Variants in TBL1X observed in about 807,000 individuals in gnomAD.
TBL1X encodes the protein F-box-like/WD repeat-containing protein TBL1X.
TBL1X carries 10 observed loss-of-function variants against 50.7 expected under a neutral mutation model. That is an observed-to-expected ratio of 0.20 (90% CI 0.12 to 0.33). The LOEUF (loss-of-function observed/expected upper bound fraction) is 0.33. Ranked by LOEUF, TBL1X falls within the 10% of genes least tolerant of loss-of-function variation. The probability of loss-of-function intolerance (pLI) is 1.00; values close to 1 mark genes in which losing one functional copy is unlikely to be tolerated. For synonymous variants in TBL1X, 190 were observed against 214.7 expected (o/e 0.88, Z 1.01); for missense variants, 340 against 504.4 (o/e 0.67, Z 3.12).
intron 2 of TBL1X, among the ~76,000 whole-genome samples, chrX:9,618,788 CTA>C (rs749225742): frequency 8.9e-6 from 1 of 112,504 alleles, no homozygotes; most frequent in South Asian, 3.6e-4. Context: ...AAGAAAAAAA[CTA>C]TGTGCATAAA....
At chrX:9,497,769 CCTCCCTCT>C (rs1188807811) in intron 1 of TBL1X, among the ~76,000 whole-genome samples, 2 of 48,401 alleles carry the variant, frequency 4.1e-5, no homozygotes, top group African/African-American at 1.7e-4. Flanking sequence ...TCCCTCCCTC[CCTCCCTCT>C]CTCTCTCCCT....
At chrX:9,525,192 C>A (rs1265344505) in intron 2 of TBL1X, among the ~76,000 whole-genome samples, 5 of 111,348 alleles carry the variant, frequency 4.5e-5, no homozygotes, top group Non-Finnish European at 9.4e-5. Flanking sequence ...TTTCCACACA[C>A]CTTCCATGGA....
chrX:9,598,615 G>A (rs974579355), intron 2 of TBL1X, among the ~76,000 whole-genome samples: 1 of 112,210 alleles, frequency 8.9e-6, no homozygotes, highest in African/African-American at 3.2e-5. Flanking sequence ...AAAGAGGAAG[G>A]CAAAGCCACG....
At chrX:9,530,216 C>T (rs1291792527) in intron 2 of TBL1X, among the ~76,000 whole-genome samples, 1 of 112,030 alleles carries the variant, frequency 8.9e-6, no homozygotes, top group Non-Finnish European at 1.9e-5. Context: ...CGAGGGGGTC[C>T]ATTCTCCCAT....
chrX:9,698,047 G>C (rs73484512), intron 12 of TBL1X, among the ~76,000 whole-genome samples: 2 of 111,833 alleles, frequency 1.8e-5, no homozygotes, highest in Admixed American at 1.9e-4. Flanking sequence ...TTGCACCACT[G>C]TATTCCAGCC....
At chrX:9,711,360 G>A (rs1394935579) in intron 15 of TBL1X, among the ~76,000 whole-genome samples, 5 of 109,025 alleles carry the variant, frequency 4.6e-5, no homozygotes, top group African/African-American at 1.7e-4. Flanking sequence ...AAAAAAAGGT[G>A]CAGAAACAAA....
At chrX:9,597,329 C>T (rs2082531175) in intron 2 of TBL1X, among the ~76,000 whole-genome samples, 1 of 111,706 alleles carries the variant, frequency 9.0e-6, no homozygotes, top group African/African-American at 3.3e-5. Context: ...TCTCCTTAAA[C>T]CCAGCATGCT....
intron 2 of TBL1X, among the ~76,000 whole-genome samples, chrX:9,585,258 G>A (rs766993607): frequency 2.7e-5 from 3 of 109,846 alleles, no homozygotes; most frequent in Admixed American, 9.7e-5. Flanking sequence ...GCCAGAATCC[G>A]CACCTGGATG....
chrX:9,623,160 A>G (rs137940553), intron 2 of TBL1X, among the ~76,000 whole-genome samples: 2,921 of 112,221 alleles, frequency 0.026, 35 homozygotes, highest in South Asian at 0.034. Flanking sequence ...CCTGCAAGCC[A>G]AATTTAGCCC....
At chrX:9,521,924 T>C (rs2082108784) in intron 2 of TBL1X, among the ~76,000 whole-genome samples, 1 of 111,864 alleles carries the variant, frequency 8.9e-6, no homozygotes, top group Non-Finnish European at 1.9e-5. Context: ...TATCTGGCTA[T>C]GAAGCACCTG....
At chrX:9,533,771 A>G (rs2082173937) in intron 2 of TBL1X, among the ~76,000 whole-genome samples, 1 of 111,631 alleles carries the variant, frequency 9.0e-6, no homozygotes, top group South Asian at 3.8e-4. Flanking sequence ...AGACCAGGAC[A>G]CTACCTCTGC....
chrX:9,523,595 C>G (rs1043805094), intron 2 of TBL1X, among the ~76,000 whole-genome samples: 2 of 112,702 alleles, frequency 1.8e-5, no homozygotes, highest in Middle Eastern at 4.6e-3. Flanking sequence ...AAGACTCTCT[C>G]AAAACACCAG....
chrX:9,649,645 A>T (rs2082823058), intron 3 of TBL1X, among the ~76,000 whole-genome samples: 1 of 112,088 alleles, frequency 8.9e-6, no homozygotes, highest in Admixed American at 9.4e-5. Context: ...TCTCCTCAGG[A>T]TCTTATATTC....
chrX:9,528,945 A>G (rs1433455324), intron 2 of TBL1X, among the ~76,000 whole-genome samples: 3 of 111,683 alleles, frequency 2.7e-5, no homozygotes, highest in East Asian at 5.6e-4. Context: ...ACACTGCTAT[A>G]TCCGCGACAC....
At chrX:9,693,077 G>C in intron 9 of TBL1X, 72 bp from the exon 10 acceptor site, 2 of 1,094,068 alleles carry the variant, frequency 1.8e-6, no homozygotes, top group Non-Finnish European at 2.5e-6. Context: ...CCTCGGAGAG[G>C]CTCTCCGAGC....
intron 11 of TBL1X, among the ~76,000 whole-genome samples, chrX:9,694,196 A>G (rs1476849627): frequency 1.9e-5 from 2 of 107,186 alleles, no homozygotes; most frequent in Non-Finnish European, 3.9e-5. Flanking sequence ...CAGGAATTCT[A>G]AGTCATGGCT....
chrX:9,517,056 G>A (rs1601727432), intron 2 of TBL1X, among the ~76,000 whole-genome samples: 1 of 111,723 alleles, frequency 9.0e-6, no homozygotes, highest in East Asian at 2.8e-4. Flanking sequence ...ACAGTCTCTG[G>A]GAGAGCAGAA....
rs1203626491 is a variant in TBL1X at position 9,717,312 on chromosome X, A to C, written c.*1066A>C. On this transcript the variant is annotated 3_prime_UTR_variant, in exon 18 of 18. Coordinates refer to ENST00000645353, the MANE Select transcript of TBL1X (RefSeq NM_005647.4). Reference sequence around the variant, plus strand: ...AAATCTTAAAATGGCCATCAGACATAGAGAGCTTTGTGTGATTCATGTTTT... The same window carrying C: ...AAATCTTAAAATGGCCATCAGACATCGAGAGCTTTGTGTGATTCATGTTTT... 1 of 112,511 alleles carries C rather than the reference A, an allele frequency of 8.9e-6. No individual in the cohort carries two copies. The highest frequency in any genetic ancestry group is 9.4e-5 in the Admixed American group (1 of 10,646). The allele number at this position is 112,511 out of a possible 1,213,427, so 9.3% of individuals were successfully genotyped here.
intron 5 of TBL1X, among the ~76,000 whole-genome samples, chrX:9,674,375 T>C (rs2082978367): frequency 9.1e-6 from 1 of 110,146 alleles, no homozygotes; most frequent in African/African-American, 3.3e-5. Context: ...TCCTCCCACC[T>C]CAGTCTCCCC....
Sources: allele counts gnomAD v4.1 joint callset (sites outside exome capture counted in the v4.1 genomes callset), GRCh38; gene constraint gnomAD v4.1.1; transcripts MANE v1.5; gene names NCBI Gene and HGNC (gene_info 2026-07-23, HGNC 2026-07-21).